The following AUTS2 variants were observed in gnomAD, a reference collection of about 807,000 sequenced individuals.
The protein encoded by AUTS2 is autism susceptibility gene 2 protein.
Under a neutral mutation model 112.4 loss-of-function variants are expected in AUTS2, and 17 were observed. The observed-to-expected ratio is 0.15, with a 90% CI of 0.10 to 0.23. The LOEUF is 0.23. Ranked by LOEUF, AUTS2 falls within the 10% of genes least tolerant of loss-of-function variation. AUTS2 has a pLI of 1.00. For missense variants in AUTS2, 1,510 were observed against 1,701.6 expected (o/e 0.89, Z 1.98); for synonymous variants, 751 against 702.7 (o/e 1.07, Z -1.09).
At chr7:69,759,320 G>A (rs1788069840) in intron 1 of AUTS2, among the ~76,000 whole-genome samples, 1 of 151,946 alleles carries the variant, frequency 6.6e-6, no homozygotes, top group South Asian at 2.1e-4. Context: ...TGGGACTTAA[G>A]TCTAAACACA....
At chr7:70,322,976 G>A (rs879047887) in intron 4 of AUTS2, among the ~76,000 whole-genome samples, 1 of 152,218 alleles carries the variant, frequency 6.6e-6, no homozygotes, top group Non-Finnish European at 1.5e-5. Context: ...TCAGGCCCCA[G>A]ATGGGGGCCT....
chr7:70,167,494 C>T (rs1288357937), intron 4 of AUTS2, among the ~76,000 whole-genome samples: 2 of 152,186 alleles, frequency 1.3e-5, no homozygotes, highest in Non-Finnish European at 2.9e-5. Flanking sequence ...GCTCATCCCT[C>T]ACATTGATAG....
In AUTS2 at chr7:70,790,975, G is replaced by A; in HGVS notation, c.3759G>A (p.Leu1253=). ...GGGAGAGGCCCCCTTCCCACACGCTGAAGGATATCGAGGCCCGATAAGCCG... is the reference window on the plus strand; with the variant it reads ...GGGAGAGGCCCCCTTCCCACACGCTAAAGGATATCGAGGCCCGATAAGCCG... ...EIRERPPSHT[L]KDIEAR The change falls in exon 19 of 19, where the codon CTG becomes CTA. Residue 1253 remains leucine (L), a synonymous_variant. Transcript: ENST00000342771. The surrounding 1 kb of genome is among the most constrained non-coding windows in gnomAD (Gnocchi z 7.6). 16 of 1,503,136 alleles carry A rather than the reference G, an allele frequency of 1.1e-5. No homozygotes were observed. Among genetic ancestry groups the A allele is most frequent in the Non-Finnish European group, 1.4e-5 (16 of 1,125,838 alleles). 93.1% of individuals were successfully genotyped at this position (1,503,136 alleles called of 1,614,324 possible).
At chr7:70,409,139 C>T (rs907476666) in intron 4 of AUTS2, among the ~76,000 whole-genome samples, 17 of 152,096 alleles carry the variant, frequency 1.1e-4, no homozygotes, top group African/African-American at 3.6e-4. Flanking sequence ...ATTGTGACAA[C>T]GGTACCAAAG....
intron 5 of AUTS2, among the ~76,000 whole-genome samples, chr7:70,463,533 T>A (rs1345812397): frequency 6.6e-6 from 1 of 152,272 alleles, no homozygotes; most frequent in South Asian, 2.1e-4. Context: ...CAAACTGTGA[T>A]AAATCAGCAC....
intron 5 of AUTS2, among the ~76,000 whole-genome samples, chr7:70,646,749 T>C (rs1806188776): frequency 6.6e-6 from 1 of 152,238 alleles, no homozygotes; most frequent in Non-Finnish European, 1.5e-5. Context: ...ATCTAGGCCA[T>C]GCAAGGCGGC....
At chr7:70,277,958 ATGTGTGTGTGTG>A (rs35350185) in intron 4 of AUTS2, among the ~76,000 whole-genome samples, 1 of 92,276 alleles carries the variant, frequency 1.1e-5, no homozygotes, top group Non-Finnish European at 2.3e-5. Context: ...GTATGTATGT[ATGTGTGTGTGTG>A]TGTGTGTGTG....
intron 1 of AUTS2, among the ~76,000 whole-genome samples, chr7:69,879,727 T>C (rs1793960183): frequency 6.6e-6 from 1 of 152,252 alleles, no homozygotes; most frequent in South Asian, 2.1e-4. Flanking sequence ...GCATAGGCTC[T>C]GGTGTAAAAA....
rs1445435642 is a variant in AUTS2, at chr7:69,598,989, C to T, written c.-665C>T. 1.3e-4 allele frequency: 20 copies of T among 152,206 alleles called. No homozygotes were observed. The highest frequency in any genetic ancestry group is 1.3e-3 in the Admixed American group (20 of 15,284). 9.4% of individuals were successfully genotyped at this position (152,206 alleles called of 1,614,324 possible). ...GCTCCCCTCTCTGGGGGGTCTCGCCCCTCTTGGGTCGCTCCGGAGCCCCGG... is the reference window on the plus strand; with the variant it reads ...GCTCCCCTCTCTGGGGGGTCTCGCCTCTCTTGGGTCGCTCCGGAGCCCCGG... On this transcript the variant is annotated 5_prime_UTR_variant, in exon 1 of 19. Coordinates refer to ENST00000342771, the MANE Select transcript of AUTS2 (RefSeq NM_015570.4).
At chr7:70,588,495 T>C (rs1446663994) in intron 5 of AUTS2, among the ~76,000 whole-genome samples, 1 of 152,176 alleles carries the variant, frequency 6.6e-6, no homozygotes, top group East Asian at 1.9e-4. Flanking sequence ...GAAACAGAGC[T>C]GTGATAGCTT....
At chr7:70,358,428 C>A (rs111338077) in intron 4 of AUTS2, among the ~76,000 whole-genome samples, 2,266 of 152,324 alleles carry the variant, frequency 0.015, 30 homozygotes, top group Middle Eastern at 0.044. Flanking sequence ...TTGCTCCTCA[C>A]CTCACTCACT....
chr7:69,700,428 A>T (rs1797757175), intron 1 of AUTS2, among the ~76,000 whole-genome samples: 1 of 151,606 alleles, frequency 6.6e-6, no homozygotes, highest in Non-Finnish European at 1.5e-5. Flanking sequence ...TGCCCTCATT[A>T]GCTCGTTAAT....
At chr7:70,103,494 G>C (rs1233178541) in intron 2 of AUTS2, among the ~76,000 whole-genome samples, 1 of 152,104 alleles carries the variant, frequency 6.6e-6, no homozygotes, top group Non-Finnish European at 1.5e-5. Context: ...GTGTCTTGGT[G>C]GAGTTGTTCA....
chr7:70,363,392 C>CATG (rs1249417609), intron 4 of AUTS2, among the ~76,000 whole-genome samples: 1 of 134,860 alleles, frequency 7.4e-6, no homozygotes, highest in Non-Finnish European at 1.5e-5. Context: ...CAGCATGGCA[C>CATG]ATGTATACAT....
Position 69,636,244 on chromosome 7 carries a change from T to A in AUTS2, c.309+36282T>A, listed in dbSNP as rs540332526. Among the ~76,000 whole-genome samples the A allele has an allele frequency of 2.6e-5, 4 of 152,392 alleles. No homozygotes were observed. The East Asian group carries it at 7.7e-4, about 29-fold the overall frequency. On this transcript the variant is annotated intron_variant, in intron 1 of 18. Transcript: ENST00000342771. ...AATAAAGATCATACATTATCTTTTCTTCTTAAGACGGAGTCTCAATCTGTC... is the reference window on the plus strand; with the variant it reads ...AATAAAGATCATACATTATCTTTTCATCTTAAGACGGAGTCTCAATCTGTC...
intron 2 of AUTS2, among the ~76,000 whole-genome samples, chr7:70,098,516 G>A (rs1013119960): frequency 4.6e-5 from 7 of 152,034 alleles, no homozygotes; most frequent in Non-Finnish European, 8.8e-5. Flanking sequence ...CCATGCAGCT[G>A]TTGCCATGGC....
chr7:70,423,378 A>G (rs1307622585), intron 4 of AUTS2, among the ~76,000 whole-genome samples: 1 of 152,226 alleles, frequency 6.6e-6, no homozygotes, highest in Non-Finnish European at 1.5e-5. Flanking sequence ...CAGAATCGCT[A>G]GACAAAGTTT....
In AUTS2 at chr7:69,748,281, C is replaced by G. The variant is rs139183842; in HGVS notation, c.309+148319C>G. Among the ~76,000 whole-genome samples the G allele has an allele frequency of 2.3e-3, 354 of 152,268 alleles. 1 individual carries two copies. The highest frequency in any genetic ancestry group is 7.5e-3 in the African/African-American group (311 of 41,564). On this transcript the variant is annotated intron_variant, in intron 1 of 18. Transcript: ENST00000342771. Reference sequence around the variant, plus strand: ...ACAAAGGAATGAAGTATATGGGAAACTGCGTGTGTGGGGAGACCATATCTT... The same window carrying G: ...ACAAAGGAATGAAGTATATGGGAAAGTGCGTGTGTGGGGAGACCATATCTT...
chr7:70,661,027 C>T (rs1807043898), intron 5 of AUTS2, among the ~76,000 whole-genome samples: 1 of 152,060 alleles, frequency 6.6e-6, no homozygotes, highest in Admixed American at 6.6e-5. Flanking sequence ...CTTCTTTATT[C>T]ATTTGTTGAC....
Sources: gnomAD v4.1 joint callset for allele counts (sites outside exome capture counted in the v4.1 genomes callset) on GRCh38, gnomAD v4.1.1 for gene constraint, Gnocchi (gnomAD v3.1) non-coding constraint, MANE v1.5 for transcripts, NCBI Gene and HGNC (gene_info 2026-07-23, HGNC 2026-07-21) for gene names.